POLA1: variants seen among roughly 807,000 people sequenced by gnomAD.
POLA1 encodes DNA polymerase alpha catalytic subunit.
A neutral mutation model predicts 124.0 loss-of-function variants in POLA1; 15 were observed. The ratio of observed to expected loss-of-function variants is 0.12; its 90% CI spans 0.08 to 0.19. The LOEUF (loss-of-function observed/expected upper bound fraction) is 0.19. Among genes scored for constraint, POLA1 ranks in the 10% least tolerant of loss-of-function variants. The pLI, the probability that POLA1 is intolerant of heterozygous loss-of-function variation, is 1.00. For missense variants in POLA1, 886 were observed against 1,103.4 expected, an observed-to-expected ratio of 0.80 and a Z score of 2.79; for synonymous variants, 408 against 389.4, an observed-to-expected ratio of 1.05 and a Z score of -0.56.
intron 32 of POLA1, among the ~76,000 whole-genome samples, chrX:24,835,241 G>A (rs1408481008): frequency 9.1e-6 from 1 of 109,700 alleles, no homozygotes; most frequent in Non-Finnish European, 1.9e-5. Context: ...TAGTAGAGAC[G>A]GGGTTTCACC....
At chrX:24,923,995 G>A (rs1385581608) in intron 35 of POLA1, among the ~76,000 whole-genome samples, 1 of 111,926 alleles carries the variant, frequency 8.9e-6, no homozygotes, top group Non-Finnish European at 1.9e-5. Flanking sequence ...ACTGGAATTC[G>A]AAGGCATATC....
intron 35 of POLA1, among the ~76,000 whole-genome samples, chrX:24,930,047 A>G (rs890394272): frequency 1.2e-4 from 13 of 112,179 alleles, no homozygotes; most frequent in Middle Eastern, 4.2e-3. Flanking sequence ...GTATAGCAAT[A>G]TGTATTAAAC....
At chrX:24,789,647 T>C (rs776738041) in intron 26 of POLA1, among the ~76,000 whole-genome samples, 6 of 111,769 alleles carry the variant, frequency 5.4e-5, no homozygotes, top group African/African-American at 1.9e-4. Context: ...TCTTCTTTGC[T>C]GAAGTAACAG....
chrX:24,918,487 T>C (rs753187310), intron 35 of POLA1, among the ~76,000 whole-genome samples: 329 of 112,042 alleles, frequency 2.9e-3, no homozygotes, highest in African/African-American at 0.01. Context: ...ATATACCAGC[T>C]ACTATGTTTC....
intron 34 of POLA1, among the ~76,000 whole-genome samples, chrX:24,868,363 C>T (rs1366771927): frequency 8.9e-6 from 1 of 111,974 alleles, no homozygotes; most frequent in Non-Finnish European, 1.9e-5. Context: ...TCAGACAGGA[C>T]TTACATACAT....
chrX:24,961,743 T>C (rs1410738867), intron 36 of POLA1, among the ~76,000 whole-genome samples: 1 of 111,514 alleles, frequency 9.0e-6, no homozygotes, highest in African/African-American at 3.3e-5. Context: ...ACTTAGGAGC[T>C]TTTTTAAAAA....
intron 35 of POLA1, among the ~76,000 whole-genome samples, chrX:24,904,170 G>A (rs935026342): frequency 9.1e-6 from 1 of 109,455 alleles, no homozygotes; most frequent in Non-Finnish European, 1.9e-5. Context: ...AAACTCCTGA[G>A]CTCAAGCACA....
intron 36 of POLA1, among the ~76,000 whole-genome samples, chrX:24,989,383 TCTC>T (rs749760060): frequency 9.0e-6 from 1 of 111,329 alleles, no homozygotes; most frequent in Non-Finnish European, 1.9e-5. Flanking sequence ...GGACTGATCA[TCTC>T]CTTGTCTGTC....
intron 26 of POLA1, among the ~76,000 whole-genome samples, chrX:24,774,397 C>T (rs766114658): frequency 8.9e-6 from 1 of 111,797 alleles, no homozygotes; most frequent in African/African-American, 3.3e-5. Flanking sequence ...AAGATTGTTG[C>T]CTGCAAAGTG....
chrX:24,739,846 T>G (rs1455226451), intron 20 of POLA1, among the ~76,000 whole-genome samples: 3 of 112,337 alleles, frequency 2.7e-5, no homozygotes, highest in African/African-American at 9.7e-5. Context: ...TTTAGAAATA[T>G]AAAAACTGAG....
At chrX:24,968,500 C>G (rs759082329) in intron 36 of POLA1, among the ~76,000 whole-genome samples, 4 of 110,631 alleles carry the variant, frequency 3.6e-5, no homozygotes, top group East Asian at 2.9e-4. Flanking sequence ...GAGATTGAGA[C>G]CATCCTGGCT....
At chrX:24,929,107 A>AT (rs1257694076) in intron 35 of POLA1, among the ~76,000 whole-genome samples, 9 of 112,182 alleles carry the variant, frequency 8.0e-5, no homozygotes, top group African/African-American at 2.9e-4. Context: ...GTGAGCTCTA[A>AT]TAACTGAATT....
In POLA1 at chrX:24,753,486, A is replaced by G. The variant is rs865945190; in HGVS notation, c.2964+4494A>G. 4.5e-5 allele frequency among the ~76,000 whole-genome samples: 5 copies of G among 110,256 alleles called. No individual in the cohort carries two copies. In the South Asian group the frequency reaches 1.9e-3, roughly 42 times the overall value. ...TCTCCCCTCAGCCTCCCTAGTAGCT[A>G]GGACTACAGGCATATGCCACCATCC... On this transcript the variant is annotated intron_variant, in intron 26 of 36. Coordinates refer to ENST00000379068, the MANE Select transcript of POLA1 (RefSeq NM_001330360.2).
chrX:24,721,063 A>G (rs2148352197), intron 10 of POLA1, among the ~76,000 whole-genome samples: 1 of 112,931 alleles, frequency 8.9e-6, no homozygotes, highest in East Asian at 2.8e-4. Context: ...CAACCAGTTT[A>G]TGATATATGA....
chrX:24,866,910 A>G (rs1228182855), intron 34 of POLA1, among the ~76,000 whole-genome samples: 1 of 111,805 alleles, frequency 8.9e-6, no homozygotes, highest in East Asian at 2.8e-4. Flanking sequence ...AGTAAAATAG[A>G]CTAGATAGGC....
intron 36 of POLA1, among the ~76,000 whole-genome samples, chrX:24,934,642 A>G (rs1171959576): frequency 1.8e-5 from 2 of 112,437 alleles, no homozygotes; most frequent in Non-Finnish European, 3.8e-5. Flanking sequence ...ACAAAGTACC[A>G]TGGATGGGGT....
chrX:24,942,852 C>T (rs2047922082), intron 36 of POLA1, among the ~76,000 whole-genome samples: 1 of 111,931 alleles, frequency 8.9e-6, no homozygotes, highest in Admixed American at 9.4e-5. Context: ...CGTGCCACCA[C>T]GCCCAGCTAA....
chrX:24,864,286 C>T (rs1441495796), intron 34 of POLA1, among the ~76,000 whole-genome samples: 3 of 111,585 alleles, frequency 2.7e-5, no homozygotes, highest in African/African-American at 9.8e-5. Flanking sequence ...CTGGCTGGAA[C>T]TCTTTATTTT....
intron 34 of POLA1, among the ~76,000 whole-genome samples, chrX:24,876,948 C>A (rs1569346982): frequency 8.9e-6 from 1 of 112,012 alleles, no homozygotes; most frequent in Non-Finnish European, 1.9e-5. Context: ...CCAGTATTTA[C>A]CTAGTTGTAA....
Sources: allele counts gnomAD v4.1 joint callset (sites outside exome capture counted in the v4.1 genomes callset), GRCh38; gene constraint gnomAD v4.1.1; transcripts MANE v1.5; gene names NCBI Gene and HGNC (gene_info 2026-07-23, HGNC 2026-07-21).